The following POLR3K variants were observed in gnomAD, a reference collection of about 807,000 sequenced individuals.
The protein encoded by POLR3K is DNA-directed RNA polymerase III subunit RPC10.
Under a neutral mutation model 13.5 loss-of-function variants are expected in POLR3K, and 11 were observed. That is an observed-to-expected ratio of 0.81 (90% CI 0.51 to 1.35). The LOEUF (loss-of-function observed/expected upper bound fraction) is 1.35, where lower values mean the gene tolerates loss of function less well. Among genes scored for constraint, POLR3K ranks in the 40% most tolerant of loss-of-function variants. POLR3K has a pLI of 0.00. For synonymous variants in POLR3K, 56 were observed against 51.5 expected (o/e 1.09, Z -0.38); for missense variants, 144 against 145.3 (o/e 0.99, Z 0.05).
At position 51,604 on chromosome 16, in the gene POLR3K, A is replaced by T; in HGVS notation, c.153T>A (p.Asp51Glu). Residue 51 changes from aspartate to glutamate, a missense_variant, in exon 2 of 3, where the codon GAT becomes GAA. Coordinates refer to ENST00000293860, the MANE Select transcript of POLR3K (RefSeq NM_016310.5). ...CCCAGGCAGCTGCTCCACCAAGCAC[A>T]TCATCCACTTCTTTCAGTTTTGGGT... is the stretch of plus-strand genomic sequence containing the variant. ...RKYPKLKEVD[D>E]VLGGAAAWEN... is the part of the protein sequence containing the mutation. 6.2e-7 allele frequency: 1 copy of T among 1,614,192 alleles called. No individual in the cohort carries two copies. The highest frequency in any genetic ancestry group is 8.5e-7 in the Non-Finnish European group (1 of 1,180,018).
At chr16:48,541 G>A (rs1250940280) in intron 2 of POLR3K, among the ~76,000 whole-genome samples, 2 of 152,158 alleles carry the variant, frequency 1.3e-5, no homozygotes, top group African/African-American at 2.4e-5. Flanking sequence ...GCCGGGCGCG[G>A]TGGCTCACGC....
chr16:50,644 T>C (rs1046966997), intron 2 of POLR3K, among the ~76,000 whole-genome samples: 2 of 151,896 alleles, frequency 1.3e-5, no homozygotes, highest in African/African-American at 4.8e-5. Flanking sequence ...TACCTCAGCC[T>C]CCTGAGCAGT....
chr16:46,417 A>C lies in POLR3K; in HGVS notation c.*1013T>G, dbSNP rs1897283246. 1 of 152,184 alleles carries C rather than the reference A, an allele frequency of 6.6e-6. No individual in the cohort carries two copies. The allele number at this position is 152,184 out of a possible 1,614,324, so 9.4% of individuals were successfully genotyped here. A position where few individuals can be genotyped will look rare whatever the true frequency, so the allele number is the denominator to read the frequency against. ...TGATCAACATGTTCAAACAATAAGA[A>C]AATAGTCATATTAAATGTAAAGATT... is the stretch of plus-strand genomic sequence containing the variant. On this transcript the variant is annotated 3_prime_UTR_variant, in exon 3 of 3. Transcript: ENST00000293860.
intron 2 of POLR3K, among the ~76,000 whole-genome samples, chr16:49,665 G>C (rs1216728744): frequency 1.4e-5 from 2 of 147,190 alleles, no homozygotes; most frequent in Non-Finnish European, 3.0e-5. Context: ...TTGAGACGGA[G>C]TTTTGCTCCT....
At chr16:51,079 G>T (rs546221424) in intron 2 of POLR3K, among the ~76,000 whole-genome samples, 2 of 152,118 alleles carry the variant, frequency 1.3e-5, no homozygotes, top group African/African-American at 4.8e-5. Flanking sequence ...GGGGATTACG[G>T]AAACTATAAT....
chr16:47,287 AC>A lies in POLR3K; in HGVS notation c.*142del, dbSNP rs1250198803. The A allele has an allele frequency of 2.7e-6, 3 of 1,091,334 alleles. No individual in the cohort carries two copies. The African/African-American group carries it at 4.8e-5, about 17-fold the overall frequency. The allele number at this position is 1,091,334 out of a possible 1,614,324, so 67.6% of individuals were successfully genotyped here. On this transcript the variant is annotated 3_prime_UTR_variant, in exon 3 of 3. Coordinates refer to ENST00000293860, the MANE Select transcript of POLR3K (RefSeq NM_016310.5). The stretch of plus-strand genomic sequence containing the variant: ...CCTGGCAGATAGGCCATATTTCCTG[AC>A]CCCCTGGCTCTTCACCTCAAAAGGT...
chr16:52,594 T>C (rs1897346145), intron 1 of POLR3K, among the ~76,000 whole-genome samples: 1 of 147,258 alleles, frequency 6.8e-6, no homozygotes, highest in African/African-American at 2.5e-5. Context: ...TGAAACCCCA[T>C]CTCTACTAAA....
At position 53,600 on chromosome 16, in the gene POLR3K, G is replaced by A. The variant is rs746269782; in HGVS notation, c.-14C>T. The A allele has an allele frequency of 3.1e-6, 5 of 1,601,758 alleles. No homozygotes were observed. The highest frequency in any genetic ancestry group is 1.7e-4 in the Middle Eastern group (1 of 6,004). ...GAACAGCAGCATGGTCTCGAACTCCGCAGGCTCCAACTCCCGGCAGCTCCC... is the reference window on the plus strand; with the variant it reads ...GAACAGCAGCATGGTCTCGAACTCCACAGGCTCCAACTCCCGGCAGCTCCC... On this transcript the variant is annotated 5_prime_UTR_variant, in exon 1 of 3. Transcript: ENST00000293860.
In POLR3K at chr16:46,840, T is replaced by C. The variant is rs1897287956; in HGVS notation, c.*590A>G. 1 of 152,084 alleles carries C rather than the reference T, an allele frequency of 6.6e-6. No homozygotes were observed. The highest frequency in any genetic ancestry group is 1.5e-5 in the Non-Finnish European group (1 of 68,020). 9.4% of individuals were successfully genotyped at this position (152,084 alleles called of 1,614,324 possible). On this transcript the variant is annotated 3_prime_UTR_variant, in exon 3 of 3. Coordinates refer to ENST00000293860, the MANE Select transcript of POLR3K (RefSeq NM_016310.5). The stretch of plus-strand genomic sequence containing the variant: ...AAAAAAATGAATAAGGGAGTAAGAA[T>C]AGGAATAAAGAAAGAAATTGAAATC...
In POLR3K at chr16:46,743, T is replaced by TG. The variant is rs1567149098; in HGVS notation, c.*686_*687insC. The TG allele has an allele frequency of 1.1e-5, 1 of 92,398 alleles. No homozygotes were observed. Among genetic ancestry groups the TG allele is most frequent in the African/African-American group, 3.3e-5 (1 of 29,924 alleles). 5.7% of individuals were successfully genotyped at this position (92,398 alleles called of 1,614,324 possible). A position where few individuals can be genotyped will look rare whatever the true frequency, so the allele number is the denominator to read the frequency against. On this transcript the variant is annotated 3_prime_UTR_variant, in exon 3 of 3. Coordinates refer to ENST00000293860, the MANE Select transcript of POLR3K (RefSeq NM_016310.5). Reference sequence around the variant, plus strand: ...TGTCTTAAATAAATAAATAAATAAATAAAATAAATAAATAAATAAATAGTA... The same window carrying TG: ...TGTCTTAAATAAATAAATAAATAAATGAAAATAAATAAATAAATAAATAGTA...
chr16:49,828 C>G (rs1007538257), intron 2 of POLR3K, among the ~76,000 whole-genome samples: 1 of 151,594 alleles, frequency 6.6e-6, no homozygotes, highest in Non-Finnish European at 1.5e-5. Context: ...TTAGTGGAGA[C>G]GGGGTTTCAC....
chr16:49,307 G>A (rs953400911), intron 2 of POLR3K, among the ~76,000 whole-genome samples: 3 of 151,326 alleles, frequency 2.0e-5, no homozygotes, highest in Admixed American at 6.6e-5. Flanking sequence ...GCGTGGTGGC[G>A]CATGCCTGTA....
At chr16:52,220 G>A (rs1897339307) in intron 1 of POLR3K, 1 of 152,114 alleles carries the variant, frequency 6.6e-6, no homozygotes, top group Non-Finnish European at 1.5e-5. Context: ...GCCAAGGCAA[G>A]CGGATCACCT....
At chr16:48,626 A>G (rs140599745) in intron 2 of POLR3K, among the ~76,000 whole-genome samples, 138 of 152,008 alleles carry the variant, frequency 9.1e-4, no homozygotes, top group Middle Eastern at 3.4e-3. Flanking sequence ...CCTGGCTAAC[A>G]TGGTGAAACC....
At position 53,562 on chromosome 16, in the gene POLR3K, C is replaced by G. The variant is rs1433286024; in HGVS notation, c.25G>C (p.Gly9Arg). 4 of 1,613,142 alleles carry G rather than the reference C, an allele frequency of 2.5e-6. No homozygotes were observed. The highest frequency in any genetic ancestry group is 3.4e-6 in the Non-Finnish European group (4 of 1,179,712). Residue 9 changes from glycine (G) to arginine (R), a missense_variant, in exon 1 of 3, where the codon GGG becomes CGG. By Grantham distance (125) the Gly-to-Arg change is moderately radical (BLOSUM62 -2). Transcript: ENST00000293860. ...CCCTCCTCCACGATCAGCCCGTTCCCGCAGCCGGGGCAGAACAGCAGCATG... is the reference window on the plus strand; with the variant it reads ...CCCTCCTCCACGATCAGCCCGTTCCGGCAGCCGGGGCAGAACAGCAGCATG... MLLFCPGC[G>R]NGLIVEEGQR...
At chr16:50,713 G>C (rs1897323868) in intron 2 of POLR3K, among the ~76,000 whole-genome samples, 2 of 152,120 alleles carry the variant, frequency 1.3e-5, no homozygotes, top group Admixed American at 1.3e-4. Context: ...AATAGAGACA[G>C]GGTTTCACCA....
chr16:53,436 C>A, intron 1 of POLR3K, 40 bp downstream of exon 1: 2 of 1,493,048 alleles, frequency 1.3e-6, no homozygotes, highest in African/African-American at 2.0e-5. Flanking sequence ...GGAAGGCCTG[C>A]GAGAGTCGCC....
In POLR3K at chr16:48,402, A is replaced by T. The variant is rs1248115431; in HGVS notation, c.200-845T>A. ...AGGCTGGTTGGAAACGTAACATGGA[A>T]GGTGACTGTTTTGGTCCATTTTGTG... On this transcript the variant is annotated intron_variant, in intron 2 of 2. Transcript: ENST00000293860. Among the ~76,000 whole-genome samples the T allele has an allele frequency of 2.0e-5, 3 of 152,348 alleles. No individual in the cohort carries two copies. In the East Asian group the frequency reaches 5.8e-4, roughly 29 times the overall value.
intron 2 of POLR3K, among the ~76,000 whole-genome samples, chr16:49,793 C>T (rs1434444363): frequency 6.6e-6 from 1 of 151,972 alleles, no homozygotes; most frequent in Non-Finnish European, 1.5e-5. Context: ...GCAGGCACCA[C>T]CACGCTCAGC....
Sources: allele counts gnomAD v4.1 joint callset (sites outside exome capture counted in the v4.1 genomes callset), GRCh38; gene constraint gnomAD v4.1.1; transcripts MANE v1.5; gene names NCBI Gene and HGNC (gene_info 2026-07-23, HGNC 2026-07-21).